Variants in EGFLAM observed in about 807,000 individuals in gnomAD.
EGFLAM encodes the protein pikachurin.
In EGFLAM, 79 loss-of-function variants were observed where a neutral mutation model predicts 113.1. The ratio of observed to expected loss-of-function variants is 0.70; its 90% CI spans 0.58 to 0.84. EGFLAM has a LOEUF of 0.84. EGFLAM is among the 40% of genes least tolerant of loss of function. EGFLAM has a pLI of 0.00. For missense variants in EGFLAM, 1,265 were observed against 1,291.6 expected, an observed-to-expected ratio of 0.98 and a Z score of 0.32; for synonymous variants, 504 against 487.6, an observed-to-expected ratio of 1.03 and a Z score of -0.44.
intron 11 of EGFLAM, among the ~76,000 whole-genome samples, chr5:38,416,402 G>C (rs1358693395): frequency 6.6e-6 from 1 of 152,210 alleles, no homozygotes; most frequent in Non-Finnish European, 1.5e-5. Flanking sequence ...CAGTAGAGGA[G>C]CTCTGGAGTA....
chr5:38,340,344 C>T (rs1225216530), intron 3 of EGFLAM, among the ~76,000 whole-genome samples: 4 of 152,132 alleles, frequency 2.6e-5, no homozygotes, highest in Non-Finnish European at 5.9e-5. Context: ...CAAATAAAAG[C>T]CATGTGGATG....
At chr5:38,275,542 C>G (rs1757865106) in intron 1 of EGFLAM, among the ~76,000 whole-genome samples, 1 of 152,044 alleles carries the variant, frequency 6.6e-6, no homozygotes, top group African/African-American at 2.4e-5. Flanking sequence ...TATATGTATA[C>G]CCAACATCAG....
In EGFLAM at chr5:38,427,101, A is replaced by G. The variant is rs759195200; in HGVS notation, c.1903A>G (p.Met635Val). The G allele has an allele frequency of 1.9e-6, 3 of 1,613,946 alleles. No homozygotes were observed. Among genetic ancestry groups the G allele is most frequent in the East Asian group, 2.2e-5 (1 of 44,872 alleles). The change falls in exon 14 of 22, where the codon ATG (methionine) becomes GTG (valine). Residue 635 changes from methionine to valine, a missense_variant. Coordinates refer to ENST00000322350, the MANE Select transcript of EGFLAM (RefSeq NM_152403.4). ...GGAGCCCCAGCATTACCTTTCCTTC[A>G]TGGAATTTGAGATCACATTTCGGCC... The part of the protein sequence containing the change: ...PLEPQHYLSF[M>V]EFEITFRPDS...
chr5:38,258,667 T>C lies in EGFLAM; in HGVS notation c.-88T>C, dbSNP rs903495120. 3 of 1,417,972 alleles carry C rather than the reference T, an allele frequency of 2.1e-6. No homozygotes were observed. The highest frequency in any genetic ancestry group is 2.8e-5 in the African/African-American group (2 of 70,268). The allele number at this position is 1,417,972 out of a possible 1,614,324, so 87.8% of individuals were successfully genotyped here. ...CTCCTCGCCCCGGCCCGGGGATCCGTTGGGGCCGCGTCCCCCACGCGCCCC... is the reference window on the plus strand; with the variant it reads ...CTCCTCGCCCCGGCCCGGGGATCCGCTGGGGCCGCGTCCCCCACGCGCCCC... On this transcript the variant is annotated 5_prime_UTR_variant, in exon 1 of 22. Coordinates refer to ENST00000322350, the MANE Select transcript of EGFLAM (RefSeq NM_152403.4).
chr5:38,462,776 C>A (rs1225830018), intron 20 of EGFLAM, 132 bp from the exon 21 acceptor site: 2 of 1,006,410 alleles, frequency 2.0e-6, no homozygotes, highest in African/African-American at 1.6e-5. Context: ...TTGATTTCTG[C>A]AGCCCCATCA....
At chr5:38,297,627 G>A (rs897316038) in intron 1 of EGFLAM, among the ~76,000 whole-genome samples, 4 of 152,154 alleles carry the variant, frequency 2.6e-5, no homozygotes, top group East Asian at 1.9e-4. Flanking sequence ...TTTTAAGAAC[G>A]CTAAACTTGC....
At chr5:38,273,618 A>G (rs2111725364) in intron 1 of EGFLAM, among the ~76,000 whole-genome samples, 1 of 152,330 alleles carries the variant, frequency 6.6e-6, no homozygotes, top group Admixed American at 6.5e-5. Context: ...GCTGTGACAG[A>G]CCTGGGCTTA....
chr5:38,329,841 A>G (rs1191827351), intron 1 of EGFLAM, among the ~76,000 whole-genome samples: 2 of 152,058 alleles, frequency 1.3e-5, no homozygotes, highest in Non-Finnish European at 2.9e-5. Context: ...ATATCCTGCT[A>G]ATTTGTGTCC....
At chr5:38,448,590 A>T (rs1742802355) in intron 18 of EGFLAM, among the ~76,000 whole-genome samples, 1 of 152,218 alleles carries the variant, frequency 6.6e-6, no homozygotes, top group Non-Finnish European at 1.5e-5. Flanking sequence ...TGAGAAATTG[A>T]CCTTTCAGAT....
intron 17 of EGFLAM, among the ~76,000 whole-genome samples, chr5:38,442,132 T>A (rs1407005557): frequency 6.6e-6 from 1 of 152,070 alleles, no homozygotes; most frequent in Non-Finnish European, 1.5e-5. Context: ...TGTTTGTTTG[T>A]TTTAGGTCCC....
chr5:38,345,846 C>T (rs141079755), intron 3 of EGFLAM: 1 of 152,168 alleles, frequency 6.6e-6, no homozygotes. Context: ...CCTTTAAGGA[C>T]AGAAATACAA....
intron 1 of EGFLAM, among the ~76,000 whole-genome samples, chr5:38,283,333 TAC>T (rs996492324): frequency 1.9e-4 from 29 of 152,192 alleles, no homozygotes; most frequent in African/African-American, 6.8e-4. Flanking sequence ...CGGTAGGAAT[TAC>T]AGTCTTCATT....
At chr5:38,358,185 C>T (rs959931737) in intron 5 of EGFLAM, among the ~76,000 whole-genome samples, 1 of 151,700 alleles carries the variant, frequency 6.6e-6, no homozygotes, top group East Asian at 1.9e-4. Context: ...GTGGCTCATG[C>T]CTGTAATCCC....
intron 1 of EGFLAM, among the ~76,000 whole-genome samples, chr5:38,287,663 C>G (rs557448568): frequency 1.3e-5 from 2 of 152,332 alleles, no homozygotes; most frequent in African/African-American, 4.8e-5. Context: ...TGAGCCACTG[C>G]TCCTGGCCAA....
intron 5 of EGFLAM, among the ~76,000 whole-genome samples, chr5:38,364,859 G>A (rs1490125926): frequency 2.0e-5 from 3 of 152,086 alleles, no homozygotes; most frequent in Admixed American, 2.0e-4. Flanking sequence ...AATAATGTGA[G>A]AGAAAATACT....
intron 6 of EGFLAM, among the ~76,000 whole-genome samples, chr5:38,374,020 A>G (rs1740298900): frequency 6.6e-6 from 1 of 152,186 alleles, no homozygotes; most frequent in Non-Finnish European, 1.5e-5. Context: ...GAAATACCAT[A>G]CTGGCCTCAC....
chr5:38,342,573 A>G (rs1022472102), intron 3 of EGFLAM, among the ~76,000 whole-genome samples: 3 of 152,188 alleles, frequency 2.0e-5, no homozygotes, highest in African/African-American at 4.8e-5. Flanking sequence ...AATCTGCCTT[A>G]TAGTAGCTTT....
At chr5:38,376,257 GAATGGTA>G (rs1468793203) in intron 6 of EGFLAM, among the ~76,000 whole-genome samples, 1 of 152,164 alleles carries the variant, frequency 6.6e-6, no homozygotes, top group African/African-American at 2.4e-5. Context: ...AAAAGGACAT[GAATGGTA>G]AATAATAGAA....
intron 19 of EGFLAM, among the ~76,000 whole-genome samples, chr5:38,455,323 C>G (rs1023873844): frequency 1.2e-4 from 19 of 152,210 alleles, no homozygotes; most frequent in African/African-American, 4.6e-4. Context: ...CTCAGAATAA[C>G]CCATCATGGC....
Sources: allele counts gnomAD v4.1 joint callset (sites outside exome capture counted in the v4.1 genomes callset), GRCh38; gene constraint gnomAD v4.1.1; transcripts MANE v1.5; gene names NCBI Gene and HGNC (gene_info 2026-07-23, HGNC 2026-07-21).